CHEK2: variants seen among roughly 807,000 people sequenced by gnomAD.
CHEK2 encodes the protein serine/threonine-protein kinase Chk2.
A neutral mutation model predicts 69.1 loss-of-function variants in CHEK2; 71 were observed. The ratio of observed to expected loss-of-function variants is 1.03; its 90% CI spans 0.85 to 1.25. The LOEUF is 1.25. Ranked by LOEUF, CHEK2 falls within the 50% of genes most tolerant of loss-of-function variation. CHEK2 has a pLI of 0.00. For missense variants in CHEK2, 664 were observed against 649.6 expected (o/e 1.02, Z -0.24); for synonymous variants, 189 against 226.9 (o/e 0.83, Z 1.50).
chr22:28,723,264 C>T (rs1223414564), intron 4 of CHEK2, among the ~76,000 whole-genome samples: 1 of 152,158 alleles, frequency 6.6e-6, no homozygotes, highest in Non-Finnish European at 1.5e-5. Context: ...TAAAGTGAGC[C>T]TCTTACAGAA....
chr22:28,699,984 C>T (rs1418861895), intron 8 of CHEK2, 47 bp from the exon 9 acceptor site: 2 of 1,273,824 alleles, frequency 1.6e-6, no homozygotes, highest in Admixed American at 1.8e-5. Flanking sequence ...GGGGAAAACG[C>T]ACTTGGACAG....
At chr22:28,727,091 G>A (rs1298209051) in intron 2 of CHEK2, among the ~76,000 whole-genome samples, 1 of 152,086 alleles carries the variant, frequency 6.6e-6, no homozygotes, top group Non-Finnish European at 1.5e-5. Flanking sequence ...GCCCAGGCTG[G>A]AGTGCGGTGG....
chr22:28,723,964 G>GA (rs1045905162), intron 4 of CHEK2, among the ~76,000 whole-genome samples: 1 of 151,708 alleles, frequency 6.6e-6, no homozygotes, highest in Non-Finnish European at 1.5e-5. Context: ...AAAATGAATG[G>GA]AAAAAATGAA....
At chr22:28,722,627 G>A (rs976080641) in intron 4 of CHEK2, among the ~76,000 whole-genome samples, 4 of 151,464 alleles carry the variant, frequency 2.6e-5, no homozygotes, top group African/African-American at 4.8e-5. Context: ...ATCATAAAAT[G>A]TACTTTAGGA....
intron 4 of CHEK2, among the ~76,000 whole-genome samples, chr22:28,722,551 A>AAG: frequency 6.6e-6 from 1 of 151,224 alleles, no homozygotes; most frequent in Middle Eastern, 3.4e-3. Context: ...AAAAAAAAAA[A>AAG]AAAAAAAAGA....
chr22:28,740,994 A>G (rs2146195645), intron 1 of CHEK2, among the ~76,000 whole-genome samples: 1 of 152,016 alleles, frequency 6.6e-6, no homozygotes, highest in East Asian at 1.9e-4. Flanking sequence ...CGTCTCTACT[A>G]AAAATACTAG....
intron 7 of CHEK2, 117 bp from the exon 8 acceptor site, chr22:28,703,683 C>T (rs2052990950): frequency 5.7e-6 from 4 of 698,352 alleles, no homozygotes; most frequent in South Asian, 1.7e-5. Flanking sequence ...ATCTGGCCCC[C>T]TGCCTCAGAG....
At chr22:28,693,046 G>C (rs1358957626) in intron 13 of CHEK2, among the ~76,000 whole-genome samples, 1 of 152,070 alleles carries the variant, frequency 6.6e-6, no homozygotes, top group African/African-American at 2.4e-5. Context: ...AAATTACCCA[G>C]TCTTGGGCAG....
chr22:28,725,448 T>C, intron 2 of CHEK2, 81 bp from the exon 3 acceptor site: 1 of 1,511,272 alleles, frequency 6.6e-7, no homozygotes, highest in Non-Finnish European at 9.2e-7. Flanking sequence ...ATGCTAATTG[T>C]AGGAAAATAG....
intron 1 of CHEK2, 98 bp from the exon 2 acceptor site, chr22:28,734,825 G>GAAA (rs201340887): frequency 3.1e-4 from 206 of 661,714 alleles, no homozygotes; most frequent in Non-Finnish European, 3.8e-4. Context: ...CAAAAGAAAA[G>GAAA]AAAAAAAAAA....
In CHEK2 at chr22:28,694,493, G is replaced by C. The variant is rs6005837; in HGVS notation, c.1376-376C>G. Among the ~76,000 whole-genome samples the C allele has an allele frequency of 0.7, 106,408 of 152,096 alleles. 37,396 individuals are homozygous for C. The highest frequency in any genetic ancestry group is 0.8 in the South Asian group (3,884 of 4,828). ...GATGGATAGGTGACAGTTACTCAGC[G>C]AGGGAGAGGCTCCCTGGAACTGCAG... On this transcript the variant is annotated intron_variant, in intron 12 of 14. Coordinates refer to ENST00000404276, the MANE Select transcript of CHEK2 (RefSeq NM_007194.4).
rs2053571954 is a variant in CHEK2, at chr22:28,715,951, C to T, written c.683+3444G>A. Among the ~76,000 whole-genome samples the T allele has an allele frequency of 2.0e-5, 3 of 151,906 alleles. No individual in the cohort carries two copies. The South Asian group carries it at 6.2e-4, about 32-fold the overall frequency. On this transcript the variant is annotated intron_variant, in intron 5 of 14. Coordinates refer to ENST00000404276, the MANE Select transcript of CHEK2 (RefSeq NM_007194.4). ...CATGATGATGGCTCACTGCAGCCTCCACCTCCTGGGCTCAGGTAATCCTCC... is the reference window on the plus strand; with the variant it reads ...CATGATGATGGCTCACTGCAGCCTCTACCTCCTGGGCTCAGGTAATCCTCC...
chr22:28,688,331 G>T (rs1357170831), intron 14 of CHEK2, among the ~76,000 whole-genome samples: 1 of 152,232 alleles, frequency 6.6e-6, no homozygotes, highest in Non-Finnish European at 1.5e-5. Context: ...TTGGTCTTTT[G>T]CGGGAAGACA....
chr22:28,698,802 C>A (rs935873111), intron 9 of CHEK2, among the ~76,000 whole-genome samples: 17 of 152,094 alleles, frequency 1.1e-4, no homozygotes, highest in African/African-American at 3.1e-4. Context: ...GGATGCTGCA[C>A]CTGAAGGGAA....
rs1446804894 is a variant in CHEK2, at chr22:28,723,608, AAAG to A, written c.592+1366_592+1368del. On this transcript the variant is annotated intron_variant, in intron 4 of 14. Transcript: ENST00000404276. ...GCAAGGCTCCGTCACAAGGAAAAAA[AAAG>A]AAAAAAAAAAAAAAGGAGCTCAATA... Among the ~76,000 whole-genome samples, 1,428 of 145,186 alleles carry A rather than the reference AAAG, an allele frequency of 9.8e-3. 45 individuals are homozygous for A. The highest frequency in any genetic ancestry group is 0.016 in the African/African-American group (631 of 39,198).
intron 2 of CHEK2, among the ~76,000 whole-genome samples, chr22:28,726,881 T>C (rs2054030433): frequency 6.7e-6 from 1 of 149,672 alleles, no homozygotes; most frequent in South Asian, 2.1e-4. Flanking sequence ...CCAGCACCAC[T>C]GGCCTCCTTT....
intron 5 of CHEK2, among the ~76,000 whole-genome samples, chr22:28,715,047 C>A (rs1007944314): frequency 3.3e-5 from 5 of 152,132 alleles, no homozygotes; most frequent in African/African-American, 1.2e-4. Context: ...CGCACTCCAG[C>A]CTGAGACACA....
Position 28,723,930 on chromosome 22 carries a change from T to C in CHEK2, c.592+1047A>G, listed in dbSNP as rs146151267. On this transcript the variant is annotated intron_variant, in intron 4 of 14. Transcript: ENST00000404276. ...CAGCCTGGGAGACAGAGTGAGACCA[T>C]GTCTCGAAAAAGAAAGAAAGAAAAA... 7.5e-3 allele frequency among the ~76,000 whole-genome samples: 1,128 copies of C among 150,770 alleles called. 16 individuals are homozygous for C. The highest frequency in any genetic ancestry group is 0.026 in the African/African-American group (1,087 of 41,038).
At chr22:28,701,401 G>C (rs1371279287) in intron 8 of CHEK2, among the ~76,000 whole-genome samples, 3 of 151,750 alleles carry the variant, frequency 2.0e-5, no homozygotes, top group Non-Finnish European at 4.4e-5. Flanking sequence ...TAGTAGAGAC[G>C]GGGTTTTGCC....
Sources: gnomAD v4.1 joint callset for allele counts (sites outside exome capture counted in the v4.1 genomes callset) on GRCh38, gnomAD v4.1.1 for gene constraint, MANE v1.5 for transcripts, NCBI Gene and HGNC (gene_info 2026-07-23, HGNC 2026-07-21) for gene names.